LRP2BP: variants seen among roughly 807,000 people sequenced by gnomAD.
The protein encoded by LRP2BP is LRP2-binding protein.
LRP2BP carries 38 observed loss-of-function variants against 45.2 expected under a neutral mutation model. The ratio of observed to expected loss-of-function variants is 0.84; its 90% confidence interval spans 0.65 to 1.10. LRP2BP has a LOEUF of 1.10. Among genes scored for constraint, LRP2BP ranks in the 50% least tolerant of loss-of-function variants. The probability of loss-of-function intolerance (pLI) is 0.00; values close to 1 mark genes in which losing one functional copy is unlikely to be tolerated. For missense variants in LRP2BP, 385 were observed against 418.9 expected, an observed-to-expected ratio of 0.92 and a Z score of 0.71; for synonymous variants, 153 against 153.9, an observed-to-expected ratio of 0.99 and a Z score of 0.04.
At chr4:185,385,908 G>T (rs531590569) in intron 1 of LRP2BP, among the ~76,000 whole-genome samples, 1 of 72,442 alleles carries the variant, frequency 1.4e-5, no homozygotes, top group African/African-American at 3.5e-5. Flanking sequence ...CTCGGGGAGG[G>T]GGGGGGGGAG....
chr4:185,367,077 T>C lies in LRP2BP; in HGVS notation c.*103A>G, dbSNP rs938181916. 1.0e-6 allele frequency: 1 copy of C among 984,156 alleles called. No homozygotes were observed. Among genetic ancestry groups the C allele is most frequent in the Non-Finnish European group, 1.6e-6 (1 of 632,488 alleles). 61.0% of individuals were successfully genotyped at this position (984,156 alleles called of 1,614,324 possible). A position where few individuals can be genotyped will look rare whatever the true frequency, so the allele number is the denominator to read the frequency against. ...CATGTCACCTGTAAAATACCCAGGATAGTGTAATTTGTGATGTGCAAAATA... is the reference window on the plus strand; with the variant it reads ...CATGTCACCTGTAAAATACCCAGGACAGTGTAATTTGTGATGTGCAAAATA... On this transcript the variant is annotated 3_prime_UTR_variant, in exon 9 of 9. Transcript: ENST00000505916.
chr4:185,367,577 T>C (rs1561071060), intron 8 of LRP2BP, among the ~76,000 whole-genome samples: 1 of 152,228 alleles, frequency 6.6e-6, no homozygotes, highest in Non-Finnish European at 1.5e-5. Context: ...AAAGTTGTTA[T>C]GATCTCATTA....
intron 3 of LRP2BP, among the ~76,000 whole-genome samples, chr4:185,376,408 C>CT (rs781101267): frequency 6.7e-6 from 1 of 149,770 alleles, no homozygotes; most frequent in Non-Finnish European, 1.5e-5. Flanking sequence ...TCCCAAGTAG[C>CT]TGGGATTACA....
At chr4:185,368,223 A>G (rs2095398291) in intron 8 of LRP2BP, among the ~76,000 whole-genome samples, 1 of 152,196 alleles carries the variant, frequency 6.6e-6, no homozygotes, top group South Asian at 2.1e-4. Context: ...GTTTCTCTCC[A>G]TGTACTCCAG....
intron 4 of LRP2BP, among the ~76,000 whole-genome samples, chr4:185,374,970 C>G (rs2095428373): frequency 6.6e-6 from 1 of 152,122 alleles, no homozygotes; most frequent in Non-Finnish European, 1.5e-5. Context: ...AATACGACAT[C>G]TGCTACGTGG....
In LRP2BP at chr4:185,366,965, C is replaced by T. The variant is rs1421196488; in HGVS notation, c.*215G>A. The T allele has an allele frequency of 4.1e-6, 2 of 483,504 alleles. No homozygotes were observed. Among genetic ancestry groups the T allele is most frequent in the Non-Finnish European group, 7.4e-6 (2 of 270,420 alleles). 30.0% of individuals were successfully genotyped at this position (483,504 alleles called of 1,614,324 possible). On this transcript the variant is annotated 3_prime_UTR_variant, in exon 9 of 9. Transcript: ENST00000505916. The stretch of plus-strand genomic sequence containing the variant: ...GCCAGTCTGTAGGGTAAGAGGTGGA[C>T]CTCTGAGGACTCTTCCAGCAATTTG...
chr4:185,386,154 A>G (rs1580006805), intron 1 of LRP2BP, among the ~76,000 whole-genome samples: 1 of 152,348 alleles, frequency 6.6e-6, no homozygotes, highest in South Asian at 2.1e-4. Context: ...AAAAAATAAA[A>G]CACAAAACAA....
intron 8 of LRP2BP, among the ~76,000 whole-genome samples, 198 bp downstream of exon 8, chr4:185,370,442 T>C (rs1182277939): frequency 6.6e-6 from 1 of 152,124 alleles, no homozygotes; most frequent in Admixed American, 6.6e-5. Flanking sequence ...CTTTTAATCA[T>C]TGGAGCTAAA....
chr4:185,390,568 A>G (rs998073348), intron 1 of LRP2BP: 1 of 152,160 alleles, frequency 6.6e-6, no homozygotes, highest in African/African-American at 2.4e-5. Context: ...ATTACATTTT[A>G]TAATAATCCT....
At position 185,374,424 on chromosome 4, in the gene LRP2BP, G is replaced by A; in HGVS notation, c.368C>T (p.Ser123Phe). The A allele has an allele frequency of 6.2e-7, 1 of 1,614,066 alleles. No individual in the cohort carries two copies. Among genetic ancestry groups the A allele is most frequent in the Non-Finnish European group, 8.5e-7 (1 of 1,180,006 alleles). ...TAAGTGTCTTGCTTTGGGACATGGA[G>A]AATCAAGAATTTTCTTCATATAGTC... ...GVDYMKKILD[S>F]PCPKARHLKF... The change falls in exon 5 of 9, where the codon TCT becomes TTT. Residue 123 changes from serine (S) to phenylalanine (F), a missense_variant. By Grantham distance (155) the Ser-to-Phe change is radical. Coordinates refer to ENST00000505916, the MANE Select transcript of LRP2BP (RefSeq NM_001377440.1).
intron 1 of LRP2BP, among the ~76,000 whole-genome samples, chr4:185,387,559 G>C (rs982351442): frequency 3.3e-5 from 5 of 152,188 alleles, no homozygotes; most frequent in Non-Finnish European, 5.9e-5. Context: ...TAAACATACT[G>C]TGTTTCAGAC....
intron 1 of LRP2BP, 57 bp from the exon 2 acceptor site, chr4:185,378,264 A>G: frequency 6.3e-7 from 1 of 1,590,016 alleles, no homozygotes; most frequent in Non-Finnish European, 8.5e-7. Flanking sequence ...CGAAGTGCAA[A>G]GAGAGACTCT....
In LRP2BP at chr4:185,395,743, T is replaced by G; in HGVS notation, c.-986A>C. Reference sequence around the variant, plus strand: ...ACAAAAAGTAGAATGAAAAGACCACTTATCTTTAGAGGACAAGCATGAACT... The same window carrying G: ...ACAAAAAGTAGAATGAAAAGACCACGTATCTTTAGAGGACAAGCATGAACT... On this transcript the variant is annotated 5_prime_UTR_variant, in exon 1 of 9. Coordinates refer to ENST00000505916, the MANE Select transcript of LRP2BP (RefSeq NM_001377440.1). 2.0e-6 allele frequency: 2 copies of G among 985,420 alleles called. No individual in the cohort carries two copies. The highest frequency in any genetic ancestry group is 2.4e-6 in the Non-Finnish European group (2 of 829,920). 61.0% of individuals were successfully genotyped at this position (985,420 alleles called of 1,614,324 possible).
At position 185,378,112 on chromosome 4, in the gene LRP2BP, T is replaced by G; in HGVS notation, c.75A>C (p.Gln25His). 19 of 1,613,970 alleles carry G rather than the reference T, an allele frequency of 1.2e-5. No individual in the cohort carries two copies. Among genetic ancestry groups the G allele is most frequent in the Non-Finnish European group, 1.6e-5 (19 of 1,179,964 alleles). The change falls in exon 2 of 9, where the codon CAA (glutamine) becomes CAC (histidine). Residue 25 changes from glutamine (Q) to histidine (H), a missense_variant. By Grantham distance (24) the Gln-to-His change is conservative (BLOSUM62 0). Transcript: ENST00000505916. Reference sequence around the variant, plus strand: ...TTTCCTTTTTCCACTGGAAAAATTTTTGGTTTTTAGCAGCATACTGAGATA... The same window carrying G: ...TTTCCTTTTTCCACTGGAAAAATTTGTGGTTTTTAGCAGCATACTGAGATA... The part of the protein sequence containing the change: ...ASVSQYAAKN[Q>H]KFFQWKKEKT...
At position 185,370,808 on chromosome 4, in the gene LRP2BP, AGCGATCCT is replaced by A. The variant is rs987182830; in HGVS notation, c.804-2_809del. 4.3e-6 allele frequency: 7 copies of A among 1,614,118 alleles called. No homozygotes were observed. The Admixed American group carries it at 8.3e-5, about 19-fold the overall frequency. On this transcript the variant is annotated splice_acceptor_variant and coding_sequence_variant, in exon 8 of 9. Transcript: ENST00000505916. LOFTEE classifies it high-confidence loss of function. The stretch of plus-strand genomic sequence containing the variant: ...GGATGTCGTGAACCTCATCATAGTC[AGCGATCCT>A]GAGAGGATGTAGAGTTGTGAAATGG...
intron 4 of LRP2BP, among the ~76,000 whole-genome samples, chr4:185,375,148 C>T (rs1420201517): frequency 2.6e-5 from 4 of 151,302 alleles, no homozygotes; most frequent in Non-Finnish European, 4.4e-5. Context: ...GAGTCTTGCT[C>T]TGTCACCCAG....
intron 8 of LRP2BP, chr4:185,369,703 AAAGTAATTTAGGGTTCC>A: frequency 2.4e-6 from 1 of 416,552 alleles, no homozygotes; most frequent in Non-Finnish European, 4.7e-6. Flanking sequence ...TTTTAATTTT[AAAGTAATTTAGGGTTCC>A]CAAACTTACC....
intron 1 of LRP2BP, among the ~76,000 whole-genome samples, chr4:185,392,942 A>C (rs1206341699): frequency 6.6e-6 from 1 of 152,200 alleles, no homozygotes; most frequent in Non-Finnish European, 1.5e-5. Flanking sequence ...TTTAGTTTTC[A>C]GTATTTTTGG....
chr4:185,381,478 C>G (rs1413777492), intron 1 of LRP2BP, among the ~76,000 whole-genome samples: 1 of 152,044 alleles, frequency 6.6e-6, no homozygotes, highest in African/African-American at 2.4e-5. Context: ...GTAGATACTG[C>G]CAAATAGTTT....
Sources: gnomAD v4.1 joint callset for allele counts (sites outside exome capture counted in the v4.1 genomes callset) on GRCh38, gnomAD v4.1.1 for gene constraint, MANE v1.5 for transcripts, NCBI Gene and HGNC (gene_info 2026-07-23, HGNC 2026-07-21) for gene names.